Variants in MTR observed in about 807,000 individuals in gnomAD.
MTR encodes the protein methionine synthase.
In MTR, 84 loss-of-function variants were observed where a neutral mutation model predicts 154.8. The observed-to-expected ratio is 0.54, with a 90% confidence interval of 0.45 to 0.65. MTR has a LOEUF of 0.65. Among genes scored for constraint, MTR ranks in the 30% least tolerant of loss-of-function variants. MTR has a pLI of 0.00. For synonymous variants in MTR, 554 were observed against 553.9 expected, an observed-to-expected ratio of 1.00 and a Z score of 0.00; for missense variants, 1,275 against 1,570.2, an observed-to-expected ratio of 0.81 and a Z score of 3.18.
chr1:236,895,696 C>T (rs200176735), intron 31 of MTR, 146 bp downstream of exon 31: 2 of 725,622 alleles, frequency 2.8e-6, no homozygotes, highest in South Asian at 1.9e-5. Context: ...TCACTCGTAG[C>T]TATTCTGCAT....
chr1:236,842,733 C>T (rs906776413), intron 15 of MTR, among the ~76,000 whole-genome samples: 7 of 149,550 alleles, frequency 4.7e-5, no homozygotes, highest in African/African-American at 1.7e-4. Context: ...TGTCCTTGCA[C>T]GATTTATATT....
Position 236,861,271 on chromosome 1 carries a change from AC to A in MTR, c.2192del (p.Pro731LeufsTer4). The A allele has an allele frequency of 6.2e-7, 1 of 1,613,664 alleles. No individual in the cohort carries two copies. Among genetic ancestry groups the A allele is most frequent in the East Asian group, 2.2e-5 (1 of 44,834 alleles). On this transcript the variant is annotated frameshift_variant, in exon 20 of 33. Coordinates refer to ENST00000366577, the MANE Select transcript of MTR (RefSeq NM_000254.3). LOFTEE classifies it high-confidence loss of function. ...TTTTTGGAGCTGGAAAAATGTTTCT[AC>A]CTCAGGTTAGCAAAATATGGGGAGA... is the stretch of plus-strand genomic sequence containing the variant. ...DLFGAGKMFL[P>X]QVIKSARVMK...
intron 24 of MTR, among the ~76,000 whole-genome samples, chr1:236,878,579 T>G (rs1012316717): frequency 3.3e-5 from 5 of 151,430 alleles, no homozygotes; most frequent in Non-Finnish European, 7.4e-5. Flanking sequence ...AGGCCACACA[T>G]AAAATACACT....
At position 236,816,557 on chromosome 1, in the gene MTR, C is replaced by G; in HGVS notation, c.764+14C>G. 3.7e-6 allele frequency: 6 copies of G among 1,604,358 alleles called. No individual in the cohort carries two copies. Among genetic ancestry groups the G allele is most frequent in the Non-Finnish European group, 5.1e-6 (6 of 1,171,122 alleles). On this transcript the variant is annotated intron_variant, in intron 8 of 32. Transcript: ENST00000366577. The stretch of plus-strand genomic sequence containing the variant: ...AGAACCACTCTGGTGAGTGATCCAT[C>G]TTTCTGTAACTTCTTTTCTTTTTTG...
At chr1:236,889,113 C>T in intron 27 of MTR, 68 bp from the exon 28 acceptor site, 1 of 1,590,510 alleles carries the variant, frequency 6.3e-7, no homozygotes, top group Non-Finnish European at 8.6e-7. Flanking sequence ...CAGTGAGGAG[C>T]TGGCAGGGAG....
intron 32 of MTR, 27 bp downstream of exon 32, chr1:236,897,145 G>A (rs1572352670): frequency 6.6e-7 from 1 of 1,504,324 alleles, no homozygotes; most frequent in East Asian, 2.3e-5. Flanking sequence ...ATTATATGTG[G>A]CTTGCCTAGT....
chr1:236,889,351 T>C lies in MTR; in HGVS notation c.3007+15T>C. 1 of 1,613,942 alleles carries C rather than the reference T, an allele frequency of 6.2e-7. No homozygotes were observed. The highest frequency in any genetic ancestry group is 1.1e-5 in the South Asian group (1 of 91,066). On this transcript the variant is annotated intron_variant, in intron 28 of 32. Coordinates refer to ENST00000366577, the MANE Select transcript of MTR (RefSeq NM_000254.3). ...CAAAACAGTAGGTTAGTGCAGTAAG[T>C]CCTTCCTTTCTGCCTCTGATATTCA... is the stretch of plus-strand genomic sequence containing the variant.
At chr1:236,875,167 G>A (rs891595268) in intron 24 of MTR, among the ~76,000 whole-genome samples, 4 of 152,174 alleles carry the variant, frequency 2.6e-5, no homozygotes, top group African/African-American at 4.8e-5. Flanking sequence ...AAATTAAACC[G>A]AGTGGAGAAG....
chr1:236,840,081 T>C (rs969036789), intron 15 of MTR, among the ~76,000 whole-genome samples: 1 of 152,216 alleles, frequency 6.6e-6, no homozygotes, highest in African/African-American at 2.4e-5. Context: ...TAGGATTGTA[T>C]GTACTTTTTC....
At chr1:236,889,440 A>G in intron 28 of MTR, 104 bp downstream of exon 28, 2 of 1,500,298 alleles carry the variant, frequency 1.3e-6, no homozygotes, top group Non-Finnish European at 1.8e-6. Flanking sequence ...GATTGTGCAG[A>G]TTACGGCTGC....
rs557953455 is a variant in MTR at position 236,896,902 on chromosome 1, C to T, written c.3599-104C>T. 3.2e-5 allele frequency: 27 copies of T among 854,660 alleles called. No individual in the cohort carries two copies. The African/African-American group carries it at 3.5e-4, about 11-fold the overall frequency. 52.9% of individuals were successfully genotyped at this position (854,660 alleles called of 1,614,324 possible). On this transcript the variant is annotated intron_variant, in intron 31 of 32. Transcript: ENST00000366577. ...TGTCTACCTAGAAGGCATGAGCTCG[C>T]TTTGGTTCACTTGTTCAACAAGAGT...
intron 27 of MTR, among the ~76,000 whole-genome samples, chr1:236,887,739 C>A (rs1360658160): frequency 6.6e-6 from 1 of 152,224 alleles, no homozygotes; most frequent in Non-Finnish European, 1.5e-5. Context: ...TGAAATATGT[C>A]TTGAGGACAG....
intron 3 of MTR, 52 bp from the exon 4 acceptor site, chr1:236,808,652 T>G: frequency 6.5e-7 from 1 of 1,528,288 alleles, no homozygotes; most frequent in South Asian, 1.1e-5. Flanking sequence ...ATCCATTATT[T>G]ATTGTGCGGA....
At chr1:236,857,001 T>C (rs113792019) in intron 18 of MTR, among the ~76,000 whole-genome samples, 192 of 152,336 alleles carry the variant, frequency 1.3e-3, no homozygotes, top group Non-Finnish European at 2.2e-3. Context: ...TACGTGTATG[T>C]ATCTTTATAG....
chr1:236,851,363 T>C (rs1663893060), intron 16 of MTR, among the ~76,000 whole-genome samples: 2 of 152,330 alleles, frequency 1.3e-5, no homozygotes, highest in Non-Finnish European at 2.9e-5. Flanking sequence ...AATGGCCCCA[T>C]ACTAGTGCTG....
intron 1 of MTR, among the ~76,000 whole-genome samples, chr1:236,801,556 G>T (rs1180962518): frequency 6.6e-6 from 1 of 152,174 alleles, no homozygotes; most frequent in African/African-American, 2.4e-5. Context: ...TACATTACTG[G>T]TTTGGGTTTT....
Position 236,816,499 on chromosome 1 carries a change from A to G in MTR, c.720A>G (p.Thr240=). The G allele has an allele frequency of 1.2e-6, 2 of 1,614,178 alleles. No individual in the cohort carries two copies. The highest frequency in any genetic ancestry group is 1.1e-5 in the South Asian group (1 of 91,086). The change falls in exon 8 of 33, where the codon ACA becomes ACG. Residue 240 remains threonine (T), a synonymous_variant. Transcript: ENST00000366577. The part of the protein sequence containing the change: ...DKSGRTLSGQ[T]GEGFVISVSH... ...GTGGGCGGACTCTTTCCGGACAGAC[A>G]GGAGAGGGATTTGTCATCAGCGTGT...
chr1:236,877,781 T>C (rs1437636386), intron 24 of MTR, among the ~76,000 whole-genome samples: 1 of 152,220 alleles, frequency 6.6e-6, no homozygotes, highest in Non-Finnish European at 1.5e-5. Context: ...GATATGCCTA[T>C]GATCATCTTC....
chr1:236,808,712 G>A lies in MTR; in HGVS notation c.348G>A (p.Arg116=). ...ADYGLEHLAY[R]MNMCSAGVAR... Reference sequence around the variant, plus strand: ...TGTGGTTGATACGTTAGGCCTACCGGATGAACATGTGCTCTGCAGGAGTGG... The same window carrying A: ...TGTGGTTGATACGTTAGGCCTACCGAATGAACATGTGCTCTGCAGGAGTGG... The change falls in exon 4 of 33, where the codon CGG becomes CGA. Residue 116 remains arginine, a synonymous_variant. Transcript: ENST00000366577. 6.2e-7 allele frequency: 1 copy of A among 1,614,184 alleles called. No homozygotes were observed. The highest frequency in any genetic ancestry group is 8.5e-7 in the Non-Finnish European group (1 of 1,180,008).
Sources: allele counts gnomAD v4.1 joint callset (sites outside exome capture counted in the v4.1 genomes callset), GRCh38; gene constraint gnomAD v4.1.1; transcripts MANE v1.5; gene names NCBI Gene and HGNC (gene_info 2026-07-23, HGNC 2026-07-21).